Variants in SDK1 observed in about 807,000 individuals in gnomAD.
SDK1 encodes protein sidekick-1.
SDK1 carries 157 observed loss-of-function variants against 245.5 expected under a neutral mutation model. The observed-to-expected ratio is 0.64, with a 90% confidence interval of 0.56 to 0.73. SDK1 has a LOEUF of 0.73. Among genes scored for constraint, SDK1 ranks in the 30% least tolerant of loss-of-function variants. SDK1 has a pLI of 0.00. For synonymous variants in SDK1, 1,647 were observed against 1,278.5 expected (o/e 1.29, Z -6.15); for missense variants, 3,583 against 3,002.3 (o/e 1.19, Z -4.52).
intron 5 of SDK1, among the ~76,000 whole-genome samples, chr7:3,828,792 C>T (rs1166806657): frequency 4.0e-5 from 6 of 151,538 alleles, no homozygotes; most frequent in African/African-American, 1.5e-4. Context: ...GCTGGGACTA[C>T]AGGCATGAAC....
chr7:3,585,196 G>C (rs1323544035), intron 1 of SDK1, among the ~76,000 whole-genome samples: 1 of 152,216 alleles, frequency 6.6e-6, no homozygotes, highest in African/African-American at 2.4e-5. Flanking sequence ...CTGACTGAGT[G>C]CTAGAGACGG....
chr7:3,892,292 G>A (rs955686641), intron 5 of SDK1, among the ~76,000 whole-genome samples: 1 of 152,166 alleles, frequency 6.6e-6, no homozygotes, highest in Non-Finnish European at 1.5e-5. Flanking sequence ...AGAATCCTGC[G>A]AGTCAGCTGC....
intron 1 of SDK1, among the ~76,000 whole-genome samples, chr7:3,454,966 T>C (rs943761521): frequency 2.6e-5 from 4 of 152,208 alleles, no homozygotes; most frequent in Admixed American, 1.3e-4. Context: ...AGTGGTACCG[T>C]TTCTCTGTAT....
intron 5 of SDK1, among the ~76,000 whole-genome samples, chr7:3,848,340 C>T (rs1409202561): frequency 6.6e-6 from 1 of 152,200 alleles, no homozygotes; most frequent in African/African-American, 2.4e-5. Flanking sequence ...CTTATCGGAA[C>T]TCTCCAAGCA....
At chr7:3,522,226 A>G (rs1782963466) in intron 1 of SDK1, among the ~76,000 whole-genome samples, 2 of 152,018 alleles carry the variant, frequency 1.3e-5, no homozygotes, top group African/African-American at 4.8e-5. Context: ...TCAGTGCTTC[A>G]CATACTTTTC....
At chr7:4,048,624 A>G (rs1268668659) in intron 17 of SDK1, among the ~76,000 whole-genome samples, 2 of 152,040 alleles carry the variant, frequency 1.3e-5, no homozygotes, top group South Asian at 2.1e-4. Flanking sequence ...CCTCCCAAAC[A>G]CAGTCCAGAT....
chr7:3,661,765 C>T (rs1273036275), intron 4 of SDK1, among the ~76,000 whole-genome samples: 1 of 152,146 alleles, frequency 6.6e-6, no homozygotes, highest in Non-Finnish European at 1.5e-5. Flanking sequence ...TGTCTGGGTT[C>T]AGACCCTGGC....
At chr7:3,361,334 G>T (rs1442195140) in intron 1 of SDK1, among the ~76,000 whole-genome samples, 2 of 152,192 alleles carry the variant, frequency 1.3e-5, no homozygotes, top group Non-Finnish European at 2.9e-5. Flanking sequence ...GAGAACATTT[G>T]CATTTCTATC....
intron 1 of SDK1, among the ~76,000 whole-genome samples, chr7:3,310,751 A>C (rs1290403419): frequency 6.6e-6 from 1 of 152,180 alleles, no homozygotes; most frequent in Non-Finnish European, 1.5e-5. Flanking sequence ...ATATTTGTGG[A>C]GACAGTATAG....
chr7:3,770,472 A>G (rs1452716373), intron 4 of SDK1, among the ~76,000 whole-genome samples: 1 of 152,248 alleles, frequency 6.6e-6, no homozygotes, highest in African/African-American at 2.4e-5. Context: ...ATCTCAGAGT[A>G]TAGTTGCTGC....
chr7:3,556,762 C>G (rs1324608419), intron 1 of SDK1, among the ~76,000 whole-genome samples: 1 of 152,038 alleles, frequency 6.6e-6, no homozygotes, highest in Non-Finnish European at 1.5e-5. Context: ...CCACTGCACT[C>G]CAGCCTGGGC....
intron 1 of SDK1, among the ~76,000 whole-genome samples, chr7:3,421,092 CTT>C (rs570530094): frequency 5.3e-4 from 73 of 136,920 alleles, no homozygotes; most frequent in Non-Finnish European, 6.0e-4. Context: ...CTGTACTCTC[CTT>C]TTTTTTTTTT....
At chr7:3,954,078 T>C (rs1292532147) in intron 7 of SDK1, among the ~76,000 whole-genome samples, 3 of 149,892 alleles carry the variant, frequency 2.0e-5, no homozygotes, top group African/African-American at 7.4e-5. Context: ...ACTTGTATTT[T>C]ATACTGATGA....
chr7:3,846,884 C>T (rs938242472), intron 5 of SDK1, among the ~76,000 whole-genome samples: 17 of 152,044 alleles, frequency 1.1e-4, no homozygotes, highest in Admixed American at 6.6e-4. Context: ...TTGTCAGGTC[C>T]GCACTGGAAC....
At chr7:3,438,396 G>A (rs1279949348) in intron 1 of SDK1, among the ~76,000 whole-genome samples, 1 of 152,174 alleles carries the variant, frequency 6.6e-6, no homozygotes, top group Non-Finnish European at 1.5e-5. Context: ...TTACAATGAT[G>A]TATTCTAGAT....
At chr7:3,556,978 C>G (rs1053974186) in intron 1 of SDK1, among the ~76,000 whole-genome samples, 4 of 151,850 alleles carry the variant, frequency 2.6e-5, no homozygotes, top group African/African-American at 7.2e-5. Context: ...ACTGTAGACT[C>G]ACAAAAATTA....
chr7:3,507,769 A>T (rs939847550), intron 1 of SDK1, among the ~76,000 whole-genome samples: 3 of 152,096 alleles, frequency 2.0e-5, no homozygotes, highest in African/African-American at 7.2e-5. Flanking sequence ...CCCTCCAATT[A>T]GCATTGGAAT....
chr7:4,246,974 C>T (rs1480183099), intron 44 of SDK1, among the ~76,000 whole-genome samples: 6 of 152,208 alleles, frequency 3.9e-5, no homozygotes, highest in Admixed American at 3.3e-4. Context: ...GCACCATCTC[C>T]GTTTCTCATA....
intron 2 of SDK1, among the ~76,000 whole-genome samples, chr7:3,627,202 T>A (rs951433724): frequency 6.6e-6 from 1 of 152,200 alleles, no homozygotes; most frequent in African/African-American, 2.4e-5. Flanking sequence ...GTGCTGAGAT[T>A]ACAGGCGTGA....
Sources: allele counts gnomAD v4.1 joint callset (sites outside exome capture counted in the v4.1 genomes callset), GRCh38; gene constraint gnomAD v4.1.1; transcripts MANE v1.5; gene names NCBI Gene and HGNC (gene_info 2026-07-23, HGNC 2026-07-21).